The following C4orf51 variants were observed in gnomAD, a reference collection of about 807,000 sequenced individuals.
C4orf51 encodes the protein uncharacterized protein C4orf51.
Under a neutral mutation model 25.2 loss-of-function variants are expected in C4orf51, and 25 were observed. The observed-to-expected ratio is 0.99, with a 90% CI of 0.72 to 1.39. The LOEUF (loss-of-function observed/expected upper bound fraction) is 1.39. C4orf51 is among the 40% of genes most tolerant of loss of function. The pLI, the probability that C4orf51 is intolerant of heterozygous loss-of-function variation, is 0.00. For synonymous variants in C4orf51, 100 were observed against 84.5 expected (o/e 1.18, Z -1.01); for missense variants, 252 against 239.6 (o/e 1.05, Z -0.34).
intron 1 of C4orf51, among the ~76,000 whole-genome samples, chr4:145,769,087 G>A (rs1028792401): frequency 6.0e-5 from 9 of 151,202 alleles, no homozygotes; most frequent in African/African-American, 2.2e-4. Context: ...CACTTACAAT[G>A]TTTTCAAATC....
downstream of C4orf51, among the ~76,000 whole-genome samples, chr4:145,772,922 A>T (rs894039006): frequency 6.6e-6 from 1 of 152,156 alleles, no homozygotes; most frequent in African/African-American, 2.4e-5. Context: ...GTTAGTTGTG[A>T]AGTTTCCACT....
At chr4:145,744,940 G>A (rs2126800273) in intron 1 of C4orf51, among the ~76,000 whole-genome samples, 1 of 151,846 alleles carries the variant, frequency 6.6e-6, no homozygotes, top group African/African-American at 2.4e-5. Context: ...TTATTTAATT[G>A]TAGAAAAGGT....
intron 2 of C4orf51, among the ~76,000 whole-genome samples, chr4:145,723,190 A>G (rs1731840006): frequency 6.6e-6 from 1 of 152,232 alleles, no homozygotes; most frequent in Non-Finnish European, 1.5e-5. Context: ...ACTGCTGCAT[A>G]AAGACACTTA....
the C4orf51 span, among the ~76,000 whole-genome samples, chr4:145,783,176 T>C: frequency 6.6e-6 from 1 of 152,248 alleles, no homozygotes; most frequent in African/African-American, 2.4e-5. Flanking sequence ...GTAAAGGTTT[T>C]GCATTATTTA....
At chr4:145,783,690 G>T in the C4orf51 span, among the ~76,000 whole-genome samples, 1 of 152,204 alleles carries the variant, frequency 6.6e-6, no homozygotes, top group Non-Finnish European at 1.5e-5. Context: ...GGATATACTG[G>T]TATTGACCCC....
At chr4:145,739,922 T>C (rs1733001940) in intron 1 of C4orf51, among the ~76,000 whole-genome samples, 1 of 152,110 alleles carries the variant, frequency 6.6e-6, no homozygotes, top group Non-Finnish European at 1.5e-5. Context: ...TATGTGGGGA[T>C]GCAGTGTGAC....
At chr4:145,695,155 A>C (rs147955177) in intron 1 of C4orf51, among the ~76,000 whole-genome samples, 83 of 152,322 alleles carry the variant, frequency 5.4e-4, no homozygotes, top group African/African-American at 1.9e-3. Flanking sequence ...TTTTTGAGGA[A>C]TTGTCATACT....
intron 1 of C4orf51, among the ~76,000 whole-genome samples, chr4:145,684,354 T>C (rs1397930239): frequency 1.3e-5 from 2 of 152,018 alleles, no homozygotes; most frequent in Admixed American, 6.5e-5. Flanking sequence ...TGGTGGCGGG[T>C]GCCTGTAGTC....
chr4:145,767,903 C>T (rs1735558594), intron 1 of C4orf51, among the ~76,000 whole-genome samples: 1 of 152,114 alleles, frequency 6.6e-6, no homozygotes, highest in Non-Finnish European at 1.5e-5. Context: ...AACTGATCTA[C>T]ACAAAAGAAT....
At chr4:145,692,149 A>C (rs1729617968) in intron 1 of C4orf51, among the ~76,000 whole-genome samples, 2 of 152,180 alleles carry the variant, frequency 1.3e-5, no homozygotes, top group South Asian at 4.1e-4. Context: ...CATAATAGCC[A>C]AAAAAACTAA....
At chr4:145,769,098 C>A (rs1735852769) in intron 1 of C4orf51, among the ~76,000 whole-genome samples, 1 of 150,842 alleles carries the variant, frequency 6.6e-6, no homozygotes, top group African/African-American at 2.4e-5. Flanking sequence ...TTTTCAAATC[C>A]TTTTCCTGTC....
chr4:145,703,561 T>C (rs1730604911), intron 2 of C4orf51, among the ~76,000 whole-genome samples: 1 of 152,248 alleles, frequency 6.6e-6, no homozygotes, highest in African/African-American at 2.4e-5. Context: ...CAGTTTTCTT[T>C]TCACTTCGTT....
At chr4:145,739,411 G>C (rs781486821) in intron 1 of C4orf51, among the ~76,000 whole-genome samples, 1 of 152,226 alleles carries the variant, frequency 6.6e-6, no homozygotes, top group Admixed American at 6.5e-5. Flanking sequence ...ACCCATAGAA[G>C]TTAATGTGTG....
chr4:145,696,596 T>C lies in C4orf51; in HGVS notation c.271T>C (p.Cys91Arg), dbSNP rs371392127. ...LTNSSACHLL[C>R]WAGTQETTDI... ...AAACAGTTCTGCCTGTCATCTTCTCTGCTGGGCTGGTACCCAAGAGACTAC... is the reference window on the plus strand; with the variant it reads ...AAACAGTTCTGCCTGTCATCTTCTCCGCTGGGCTGGTACCCAAGAGACTAC... Residue 91 changes from cysteine (C) to arginine (R), a missense_variant, in exon 2 of 6, where the codon TGC (cysteine) becomes CGC (arginine). Transcript: ENST00000438731. The C allele has an allele frequency of 6.2e-7, 1 of 1,613,926 alleles. No homozygotes were observed. The highest frequency in any genetic ancestry group is 8.5e-7 in the Non-Finnish European group (1 of 1,179,808).
intron 1 of C4orf51, chr4:145,760,737 TGTCTTTTGTCTCTC>T: frequency 7.4e-6 from 6 of 814,706 alleles, no homozygotes; most frequent in Admixed American, 7.5e-5. Context: ...TTTTTTTTTT[TGTCTTTTGTCTCTC>T]TGTTTTTGGT....
At chr4:145,738,247 C>T (rs1322238309) in intron 1 of C4orf51, among the ~76,000 whole-genome samples, 1 of 152,050 alleles carries the variant, frequency 6.6e-6, no homozygotes, top group Admixed American at 6.5e-5. Flanking sequence ...GTCAGGAGTT[C>T]AAGACCAGCC....
At chr4:145,733,586 C>T (rs1732632371), downstream of C4orf51, among the ~76,000 whole-genome samples, 1 of 152,166 alleles carries the variant, frequency 6.6e-6, no homozygotes, top group Admixed American at 6.5e-5. Context: ...TTACCAAGAC[C>T]GTCCTTCTCT....
At chr4:145,741,737 G>T (rs149477111) in intron 1 of C4orf51, among the ~76,000 whole-genome samples, 1 of 151,514 alleles carries the variant, frequency 6.6e-6, no homozygotes, top group South Asian at 2.1e-4. Flanking sequence ...TCACTCTGTC[G>T]CCCAGGCTGG....
rs1257411025 is a variant in C4orf51, at chr4:145,680,187, A to T, written c.-17A>T. 4.5e-6 allele frequency: 7 copies of T among 1,571,686 alleles called. No individual in the cohort carries two copies. Among genetic ancestry groups the T allele is most frequent in the Non-Finnish European group, 6.1e-6 (7 of 1,141,762 alleles). ...GAGGACTTGACAAGTTGTTTTCCAG[A>T]GAGGCCGTTCGTAGTTATGTCACAC... On this transcript the variant is annotated 5_prime_UTR_variant, in exon 1 of 6. Transcript: ENST00000438731.
Sources: allele counts gnomAD v4.1 joint callset (sites outside exome capture counted in the v4.1 genomes callset), GRCh38; gene constraint gnomAD v4.1.1; transcripts MANE v1.5; gene names NCBI Gene and HGNC (gene_info 2026-07-23, HGNC 2026-07-21).